CDC27: variants seen among roughly 807,000 people sequenced by gnomAD.
CDC27 encodes the protein cell division cycle 27, also known as cell division cycle protein 27 homolog.
CDC27 carries 27 observed loss-of-function variants against 109.7 expected under a neutral mutation model. The ratio of observed to expected loss-of-function variants is 0.25; its 90% confidence interval spans 0.18 to 0.34. The LOEUF is 0.34. Among genes scored for constraint, CDC27 ranks in the 10% least tolerant of loss-of-function variants. The pLI, the probability that CDC27 is intolerant of heterozygous loss-of-function variation, is 1.00. For missense variants in CDC27, 579 were observed against 960.2 expected, an observed-to-expected ratio of 0.60 and a Z score of 5.25; for synonymous variants, 266 against 333.9, an observed-to-expected ratio of 0.80 and a Z score of 2.22.
In CDC27 at chr17:47,151,655, G is replaced by C. The variant is rs1650939075; in HGVS notation, c.1070+151C>G. The C allele has an allele frequency of 2.4e-5, 12 of 497,856 alleles. No individual in the cohort carries two copies. The South Asian group carries it at 3.9e-4, about 16-fold the overall frequency. The allele number at this position is 497,856 out of a possible 1,614,324, so 30.8% of individuals were successfully genotyped here. On this transcript the variant is annotated intron_variant, in intron 9 of 18. Transcript: ENST00000066544. ...CAAAACTCAACTCAAAATTACATTA[G>C]TGTTGTAAGTTAGAGGTTTCAAATT...
intron 7 of CDC27, among the ~76,000 whole-genome samples, chr17:47,156,220 CCT>C (rs1456297699): frequency 1.3e-5 from 2 of 152,034 alleles, no homozygotes; most frequent in African/African-American, 4.8e-5. Flanking sequence ...CTCACTGCAA[CCT>C]CTGTCTCCCG....
chr17:47,132,219 G>C (rs752675992), intron 15 of CDC27, 38 bp downstream of exon 15: 7 of 872,300 alleles, frequency 8.0e-6, no homozygotes, highest in African/African-American at 1.7e-5. Flanking sequence ...TTTCAAAAGG[G>C]AGATTAATAG....
chr17:47,131,515 A>G (rs552409466), intron 15 of CDC27, among the ~76,000 whole-genome samples: 14 of 152,262 alleles, frequency 9.2e-5, no homozygotes, highest in African/African-American at 3.1e-4. Context: ...CTAGGGGGAA[A>G]AAAAGAGAGA....
intron 4 of CDC27, among the ~76,000 whole-genome samples, chr17:47,169,604 C>A (rs182287651): frequency 7.5e-4 from 110 of 147,548 alleles, no homozygotes; most frequent in African/African-American, 2.5e-3. Context: ...GAGATCACAC[C>A]ATTGCACTCC....
chr17:47,155,550 C>T (rs1396012400), intron 7 of CDC27, among the ~76,000 whole-genome samples: 1 of 152,160 alleles, frequency 6.6e-6, no homozygotes, highest in African/African-American at 2.4e-5. Context: ...CCAACCCATT[C>T]TAGCACATAA....
At chr17:47,151,491 G>A (rs978737010) in intron 9 of CDC27, among the ~76,000 whole-genome samples, 2 of 152,180 alleles carry the variant, frequency 1.3e-5, no homozygotes, top group Non-Finnish European at 2.9e-5. Flanking sequence ...CATGCATAAT[G>A]TGGGGAAGGG....
intron 14 of CDC27, among the ~76,000 whole-genome samples, chr17:47,135,023 T>C (rs1265411126): frequency 6.6e-6 from 1 of 152,066 alleles, no homozygotes; most frequent in African/African-American, 2.4e-5. Context: ...GAATCATAGG[T>C]ACCATTATCA....
chr17:47,126,739 C>CT (rs1447506105), intron 16 of CDC27, among the ~76,000 whole-genome samples: 1 of 152,082 alleles, frequency 6.6e-6, no homozygotes, highest in African/African-American at 2.4e-5. Context: ...AATTATAGTA[C>CT]TTCAAAGAGT....
At chr17:47,130,388 G>GA (rs968882100) in intron 15 of CDC27, among the ~76,000 whole-genome samples, 3 of 150,452 alleles carry the variant, frequency 2.0e-5, no homozygotes, top group African/African-American at 4.9e-5. Context: ...TAAAAAAAGA[G>GA]AAAAAAAAGA....
At chr17:47,173,184 A>G (rs2063866894) in intron 2 of CDC27, among the ~76,000 whole-genome samples, 1 of 152,208 alleles carries the variant, frequency 6.6e-6, no homozygotes, top group African/African-American at 2.4e-5. Flanking sequence ...TAAAAAAGTA[A>G]TTTGAAATTT....
intron 4 of CDC27, among the ~76,000 whole-genome samples, chr17:47,169,571 G>GCCT (rs2063750368): frequency 6.6e-6 from 1 of 151,510 alleles, no homozygotes; most frequent in Non-Finnish European, 1.5e-5. Context: ...CTTGAACCCT[G>GCCT]GAGGTGGAGG....
intron 12 of CDC27, among the ~76,000 whole-genome samples, chr17:47,140,905 G>T (rs2062774294): frequency 6.6e-6 from 1 of 152,204 alleles, no homozygotes; most frequent in African/African-American, 2.4e-5. Flanking sequence ...CATGGATCAT[G>T]AAGGGAAGAG....
chr17:47,124,178 A>AAAACACACACACAC (rs146307308), intron 16 of CDC27, among the ~76,000 whole-genome samples: 1 of 144,392 alleles, frequency 6.9e-6, no homozygotes, highest in Non-Finnish European at 1.5e-5. Flanking sequence ...GTACACTGAA[A>AAAACACACACACAC]ACACACACAC....
intron 14 of CDC27, 28 bp from the exon 15 acceptor site, chr17:47,132,402 TA>T (rs1172262760): frequency 9.0e-7 from 1 of 1,115,920 alleles, no homozygotes; most frequent in Non-Finnish European, 1.3e-6. Context: ...AGTATAATTT[TA>T]AAAATATAAA....
chr17:47,173,488 ATGGTC>A (rs1434886844), intron 2 of CDC27, among the ~76,000 whole-genome samples: 2 of 152,136 alleles, frequency 1.3e-5, no homozygotes, highest in Non-Finnish European at 2.9e-5. Flanking sequence ...AGATTTTACA[ATGGTC>A]TGGTTTCTTT....
Position 47,149,077 on chromosome 17 carries a change from C to CAA in CDC27, c.1070+2727_1070+2728dup, listed in dbSNP as rs71138591. ...CCAGGCAACAAGCAAGACTCTGTCT[C>CAA]AAAAAAAAAAAAAAAAAAAGAAAAA... On this transcript the variant is annotated intron_variant, in intron 9 of 18. Coordinates refer to ENST00000066544, the MANE Select transcript of CDC27 (RefSeq NM_001256.6). Among the ~76,000 whole-genome samples the CAA allele has an allele frequency of 2.3e-3, 151 of 66,812 alleles. 2 individuals are homozygous for CAA. The highest frequency in any genetic ancestry group is 4.6e-3 in the East Asian group (11 of 2,376). The allele number at this position is 66,812 out of a possible 152,430, so 43.8% of individuals were successfully genotyped here. A position where few individuals can be genotyped will look rare whatever the true frequency, so the allele number is the denominator to read the frequency against.
Position 47,138,734 on chromosome 17 carries a change from CAT to C in CDC27, c.1704+3_1704+4del. 6.2e-7 allele frequency: 1 copy of C among 1,607,586 alleles called. No homozygotes were observed. Among genetic ancestry groups the C allele is most frequent in the Non-Finnish European group, 8.5e-7 (1 of 1,176,810 alleles). Reference sequence around the variant, plus strand: ...TATATAAGCAAAGTATTTTGGTTAACATACCTCTGGCGAATTTTTATCCATGT... The same window carrying C: ...TATATAAGCAAAGTATTTTGGTTAACACCTCTGGCGAATTTTTATCCATGT... On this transcript the variant is annotated splice_donor_region_variant and intron_variant, in intron 13 of 18. Coordinates refer to ENST00000066544, the MANE Select transcript of CDC27 (RefSeq NM_001256.6).
At position 47,148,589 on chromosome 17, in the gene CDC27, C is replaced by T. The variant is rs554574916; in HGVS notation, c.1070+3217G>A. 3.4e-4 allele frequency among the ~76,000 whole-genome samples: 52 copies of T among 152,046 alleles called. No homozygotes were observed. In the South Asian group the frequency reaches 5.6e-3, roughly 16 times the overall value. On this transcript the variant is annotated intron_variant, in intron 9 of 18. Coordinates refer to ENST00000066544, the MANE Select transcript of CDC27 (RefSeq NM_001256.6). ...CAAGAAGCTCAATAAATCCAAAGGC[C>T]GAGAAACAACAAAGCTACACTAGAG...
At chr17:47,181,746 T>C in intron 1 of CDC27, 109 bp from the exon 2 acceptor site, 3 of 564,562 alleles carry the variant, frequency 5.3e-6, no homozygotes, top group Non-Finnish European at 9.5e-6. Flanking sequence ...CTAATTTAAG[T>C]GATAAAACCC....
Sources: allele counts gnomAD v4.1 joint callset (sites outside exome capture counted in the v4.1 genomes callset), GRCh38; gene constraint gnomAD v4.1.1; transcripts MANE v1.5; gene names NCBI Gene and HGNC (gene_info 2026-07-23, HGNC 2026-07-21).